Variants in RNF217 observed in about 807,000 individuals in gnomAD.
RNF217 encodes E3 ubiquitin-protein ligase RNF217.
In RNF217, 31 loss-of-function variants were observed where a neutral mutation model predicts 57.8. The observed-to-expected ratio is 0.54, with a 90% CI of 0.40 to 0.72. RNF217 has a LOEUF of 0.72. Ranked by LOEUF, RNF217 falls within the 30% of genes least tolerant of loss-of-function variation. RNF217 has a pLI of 0.00. For missense variants in RNF217, 696 were observed against 708.3 expected (o/e 0.98, Z 0.20); for synonymous variants, 313 against 294.0 (o/e 1.06, Z -0.66).
chr6:125,077,089 C>T (rs958892799), intron 4 of RNF217, among the ~76,000 whole-genome samples: 6 of 152,262 alleles, frequency 3.9e-5, no homozygotes, highest in East Asian at 1.9e-4. Flanking sequence ...ATTAATCACA[C>T]GCAGAAATCT....
intron 1 of RNF217, among the ~76,000 whole-genome samples, chr6:125,033,559 G>A (rs1462585130): frequency 6.7e-6 from 1 of 149,132 alleles, no homozygotes; most frequent in African/African-American, 2.5e-5. Flanking sequence ...ATTCCATGGT[G>A]TATATGTGCC....
At chr6:125,069,590 A>C (rs1020119632) in intron 3 of RNF217, among the ~76,000 whole-genome samples, 3 of 152,094 alleles carry the variant, frequency 2.0e-5, no homozygotes, top group African/African-American at 7.2e-5. Flanking sequence ...TTTGTTTGCT[A>C]TTGTGAATAG....
chr6:125,030,554 ATGC>A (rs1232217367), intron 1 of RNF217, among the ~76,000 whole-genome samples: 1 of 152,224 alleles, frequency 6.6e-6, no homozygotes, highest in Non-Finnish European at 1.5e-5. Context: ...TAGAGCGCCC[ATGC>A]AAGTCCAAAA....
chr6:125,018,639 C>T (rs778191148), intron 1 of RNF217, among the ~76,000 whole-genome samples: 14 of 152,098 alleles, frequency 9.2e-5, no homozygotes, highest in Middle Eastern at 3.4e-3. Flanking sequence ...TTAACTTAGA[C>T]GATTAAAAAA....
At chr6:125,032,340 A>G (rs74941739) in intron 1 of RNF217, among the ~76,000 whole-genome samples, 2,157 of 152,318 alleles carry the variant, frequency 0.014, 61 homozygotes, top group African/African-American at 0.049. Context: ...TTTGATAGGT[A>G]GAACTCCATA....
intron 1 of RNF217, among the ~76,000 whole-genome samples, chr6:124,968,333 A>ATGTG (rs139179532): frequency 7.3e-5 from 11 of 150,862 alleles, no homozygotes; most frequent in South Asian, 2.1e-4. Context: ...TGCAAAATGT[A>ATGTG]TGTGTGTGTG....
chr6:124,998,610 C>T (rs543056543), intron 1 of RNF217, among the ~76,000 whole-genome samples: 25 of 152,198 alleles, frequency 1.6e-4, no homozygotes, highest in East Asian at 3.9e-4. Flanking sequence ...CCATCCTGGC[C>T]AACATGATGA....
chr6:125,039,060 C>T, intron 1 of RNF217, among the ~76,000 whole-genome samples: 1 of 151,868 alleles, frequency 6.6e-6, no homozygotes, highest in African/African-American at 2.4e-5. Context: ...TCCATGTGTT[C>T]TTGTTGTTCA....
rs1383631393 is a variant in RNF217 at position 125,087,243 on chromosome 6, T to C, written c.*4306T>C. 1 of 152,130 alleles carries C rather than the reference T, an allele frequency of 6.6e-6. No homozygotes were observed. The highest frequency in any genetic ancestry group is 1.5e-5 in the Non-Finnish European group (1 of 68,014). The allele number at this position is 152,130 out of a possible 1,614,324, so 9.4% of individuals were successfully genotyped here. ...TACATTAGAATTACAAAAAAGTTAGTGGCCTCTATAACCTTAATTGGCATA... is the reference window on the plus strand; with the variant it reads ...TACATTAGAATTACAAAAAAGTTAGCGGCCTCTATAACCTTAATTGGCATA... On this transcript the variant is annotated 3_prime_UTR_variant, in exon 6 of 6. Transcript: ENST00000521654.
intron 2 of RNF217, among the ~76,000 whole-genome samples, chr6:125,053,949 T>C (rs1040685599): frequency 3.9e-5 from 6 of 152,154 alleles, no homozygotes; most frequent in Non-Finnish European, 8.8e-5. Context: ...TCTGATAATA[T>C]AGGAATTAGT....
At chr6:124,979,767 A>AAGAT (rs1319714438) in intron 1 of RNF217, among the ~76,000 whole-genome samples, 4 of 152,214 alleles carry the variant, frequency 2.6e-5, no homozygotes, top group Admixed American at 2.6e-4. Context: ...GTGCTTTAAG[A>AAGAT]AGATTCTAGC....
At chr6:125,040,622 C>T (rs1786843163) in intron 1 of RNF217, among the ~76,000 whole-genome samples, 1 of 152,068 alleles carries the variant, frequency 6.6e-6, no homozygotes, top group Non-Finnish European at 1.5e-5. Context: ...CAAAACCTGG[C>T]AGAGATACAA....
At chr6:125,076,956 A>G (rs2114643836) in intron 4 of RNF217, 98 bp downstream of exon 4, 3 of 1,031,462 alleles carry the variant, frequency 2.9e-6, no homozygotes, top group Middle Eastern at 2.6e-4. Context: ...AGCACCTGCC[A>G]TGTGCCCAGT....
intron 1 of RNF217, among the ~76,000 whole-genome samples, chr6:125,023,025 G>T (rs1222601631): frequency 6.6e-6 from 1 of 152,074 alleles, no homozygotes; most frequent in Non-Finnish European, 1.5e-5. Flanking sequence ...TGCCCTCAAA[G>T]AATTTATAGG....
At chr6:124,980,582 C>G (rs1228972516) in intron 1 of RNF217, among the ~76,000 whole-genome samples, 1 of 152,134 alleles carries the variant, frequency 6.6e-6, no homozygotes, top group African/African-American at 2.4e-5. Context: ...TAACAGTGTT[C>G]CCTTCTGGTG....
intron 1 of RNF217, among the ~76,000 whole-genome samples, chr6:124,979,152 G>A (rs1784070046): frequency 6.6e-6 from 1 of 152,104 alleles, no homozygotes; most frequent in South Asian, 2.1e-4. Flanking sequence ...TTGAAGGTCG[G>A]GTTTCACCAA....
intron 3 of RNF217, among the ~76,000 whole-genome samples, chr6:125,072,067 C>A (rs1788167684): frequency 6.6e-6 from 1 of 152,086 alleles, no homozygotes; most frequent in Non-Finnish European, 1.5e-5. Flanking sequence ...ACAAAGATGA[C>A]ACTGTTAAAG....
intron 1 of RNF217, chr6:124,971,385 T>G: frequency 4.2e-6 from 1 of 239,144 alleles, no homozygotes; most frequent in Non-Finnish European, 8.7e-6. Flanking sequence ...CCTCATCTAC[T>G]TGTAAGGAAA....
rs567694156 is a variant in RNF217, at chr6:125,007,985, G to A, written c.883-37226G>A. On this transcript the variant is annotated intron_variant, in intron 1 of 5. Transcript: ENST00000521654. ...TAATAAAATTTATGTGGCCGGGCCT[G>A]GTGGCTCATGCCTGTAATCCCAGCA... Among the ~76,000 whole-genome samples the A allele has an allele frequency of 1.8e-4, 28 of 152,204 alleles. 1 individual carries two copies. In the South Asian group the frequency reaches 5.6e-3, roughly 31 times the overall value.
Sources: gnomAD v4.1 joint callset for allele counts (sites outside exome capture counted in the v4.1 genomes callset) on GRCh38, gnomAD v4.1.1 for gene constraint, MANE v1.5 for transcripts, NCBI Gene and HGNC (gene_info 2026-07-23, HGNC 2026-07-21) for gene names.